Variants in IPCEF1 observed in about 807,000 individuals in gnomAD.
The protein encoded by IPCEF1 is interactor protein for cytohesin exchange factors 1.
Under a neutral mutation model 50.9 loss-of-function variants are expected in IPCEF1, and 31 were observed. The ratio of observed to expected loss-of-function variants is 0.61; its 90% CI spans 0.46 to 0.82. The LOEUF (loss-of-function observed/expected upper bound fraction) is 0.82, where lower values mean the gene tolerates loss of function less well. Among genes scored for constraint, IPCEF1 ranks in the 40% least tolerant of loss-of-function variants. The pLI, the probability that IPCEF1 is intolerant of heterozygous loss-of-function variation, is 0.00. For missense variants in IPCEF1, 458 were observed against 514.0 expected (o/e 0.89, Z 1.05); for synonymous variants, 181 against 192.0 (o/e 0.94, Z 0.47).
At chr6:154,311,584 T>C (rs1247440256) in intron 1 of IPCEF1, among the ~76,000 whole-genome samples, 1 of 152,188 alleles carries the variant, frequency 6.6e-6, no homozygotes, top group Non-Finnish European at 1.5e-5. Context: ...TTATGTTTCC[T>C]CAAACACTTA....
At chr6:154,205,494 C>G (rs1218414344) in intron 9 of IPCEF1, among the ~76,000 whole-genome samples, 3 of 152,114 alleles carry the variant, frequency 2.0e-5, no homozygotes, top group Non-Finnish European at 4.4e-5. Context: ...ACTTGGGAGG[C>G]TGAGGCAGGA....
chr6:154,327,235 A>C (rs929015343), intron 1 of IPCEF1, among the ~76,000 whole-genome samples: 5 of 152,228 alleles, frequency 3.3e-5, no homozygotes, highest in African/African-American at 1.2e-4. Flanking sequence ...TAAACTAAAG[A>C]GCTTCTGCAC....
In IPCEF1 at chr6:154,155,028, T is replaced by A. The variant is rs1283960206; in HGVS notation, c.*4800A>T. On this transcript the variant is annotated 3_prime_UTR_variant, in exon 12 of 12. Coordinates refer to ENST00000367220, the MANE Select transcript of IPCEF1 (RefSeq NM_001130700.2). ...GGGCTAAAGGTTAAAAAAAAAAAAT[T>A]CAAATACAATGAAGAATCCATTATT... The A allele has an allele frequency of 6.6e-6, 1 of 152,176 alleles. No homozygotes were observed. Among genetic ancestry groups the A allele is most frequent in the Non-Finnish European group, 1.5e-5 (1 of 68,028 alleles). 9.4% of individuals were successfully genotyped at this position (152,176 alleles called of 1,614,324 possible).
intron 2 of IPCEF1, among the ~76,000 whole-genome samples, chr6:154,279,675 T>C (rs1490393936): frequency 6.6e-6 from 1 of 152,178 alleles, no homozygotes; most frequent in African/African-American, 2.4e-5. Context: ...TGAAACACAT[T>C]AGAATTAAGA....
chr6:154,195,142 T>A (rs1387863711), intron 10 of IPCEF1, among the ~76,000 whole-genome samples: 1 of 136,528 alleles, frequency 7.3e-6, no homozygotes, highest in African/African-American at 2.9e-5. Context: ...ATTTTTCTTT[T>A]CTTTCTTTTT....
intron 3 of IPCEF1, among the ~76,000 whole-genome samples, chr6:154,263,655 A>G (rs564560277): frequency 3.3e-5 from 3 of 90,620 alleles, no homozygotes; most frequent in African/African-American, 1.4e-4. Flanking sequence ...CTTTCTACAC[A>G]GACACGGCAA....
intron 5 of IPCEF1, among the ~76,000 whole-genome samples, chr6:154,245,727 T>A (rs899132260): frequency 2.0e-5 from 3 of 152,166 alleles, no homozygotes; most frequent in African/African-American, 7.2e-5. Context: ...TTCACAGTAC[T>A]ACAAAGGGAC....
At chr6:154,310,842 C>G (rs1395359546) in intron 1 of IPCEF1, among the ~76,000 whole-genome samples, 1 of 150,432 alleles carries the variant, frequency 6.6e-6, no homozygotes, top group African/African-American at 2.5e-5. Context: ...TTACTAGGGG[C>G]TGGGGATGGT....
At chr6:154,291,112 T>C (rs1174229957) in intron 1 of IPCEF1, among the ~76,000 whole-genome samples, 1 of 152,148 alleles carries the variant, frequency 6.6e-6, no homozygotes, top group Non-Finnish European at 1.5e-5. Flanking sequence ...CAGGCTGGTC[T>C]TGAACTCCTG....
chr6:154,166,812 C>G (rs893002838), intron 11 of IPCEF1, among the ~76,000 whole-genome samples: 30 of 152,168 alleles, frequency 2.0e-4, no homozygotes, highest in Non-Finnish European at 3.5e-4. Flanking sequence ...TGACATATTA[C>G]ATTGAATAAT....
chr6:154,250,844 GC>G (rs1256113253), intron 3 of IPCEF1, among the ~76,000 whole-genome samples: 2 of 152,156 alleles, frequency 1.3e-5, no homozygotes, highest in Non-Finnish European at 2.9e-5. Flanking sequence ...GGTTGCAGGA[GC>G]CCTAACTGGT....
At chr6:154,294,598 T>C (rs1014726500) in intron 1 of IPCEF1, among the ~76,000 whole-genome samples, 1 of 152,108 alleles carries the variant, frequency 6.6e-6, no homozygotes, top group Non-Finnish European at 1.5e-5. Context: ...GAGCGGAGGA[T>C]TCTGGCTTCC....
intron 10 of IPCEF1, among the ~76,000 whole-genome samples, chr6:154,187,273 C>G (rs769244348): frequency 1.3e-5 from 2 of 152,118 alleles, no homozygotes; most frequent in Non-Finnish European, 2.9e-5. Context: ...CTCTCTCTAA[C>G]CCCCTTGCCC....
intron 1 of IPCEF1, among the ~76,000 whole-genome samples, chr6:154,304,856 G>A (rs1393860058): frequency 1.3e-5 from 2 of 152,248 alleles, no homozygotes; most frequent in African/African-American, 4.8e-5. Context: ...GCTCACGCCT[G>A]TAATCCCAGC....
At chr6:154,324,943 G>T (rs906731133) in intron 1 of IPCEF1, among the ~76,000 whole-genome samples, 1 of 152,036 alleles carries the variant, frequency 6.6e-6, no homozygotes, top group South Asian at 2.1e-4. Flanking sequence ...ATGATCAACT[G>T]GGAAAAATAT....
chr6:154,352,749 G>A (rs761024800), intron 1 of IPCEF1, among the ~76,000 whole-genome samples: 1 of 152,062 alleles, frequency 6.6e-6, no homozygotes, highest in Admixed American at 6.6e-5. Flanking sequence ...GAGACGGCAG[G>A]GCCAAGATTC....
intron 1 of IPCEF1, among the ~76,000 whole-genome samples, chr6:154,331,409 G>GAA (rs1562292555): frequency 2.8e-4 from 12 of 42,936 alleles, no homozygotes; most frequent in East Asian, 3.6e-3. Flanking sequence ...GAAAGAAAGA[G>GAA]AGAGAAAAAG....
chr6:154,249,933 G>A (rs192278584), intron 3 of IPCEF1, among the ~76,000 whole-genome samples: 4 of 151,706 alleles, frequency 2.6e-5, no homozygotes, highest in East Asian at 3.9e-4. Flanking sequence ...GTTTTTAAGT[G>A]GGGGAGGGAG....
intron 10 of IPCEF1, among the ~76,000 whole-genome samples, chr6:154,182,291 C>G (rs1800952195): frequency 6.6e-6 from 1 of 152,120 alleles, no homozygotes; most frequent in African/African-American, 2.4e-5. Flanking sequence ...TCTGTTAAGA[C>G]AGCTCAAGGC....
Sources: allele counts gnomAD v4.1 joint callset (sites outside exome capture counted in the v4.1 genomes callset), GRCh38; gene constraint gnomAD v4.1.1; transcripts MANE v1.5; gene names NCBI Gene and HGNC (gene_info 2026-07-23, HGNC 2026-07-21).